The following LDLRAD2 variants were observed in gnomAD, a reference collection of about 807,000 sequenced individuals.
The protein encoded by LDLRAD2 is low density lipoprotein receptor class A domain containing 2, also known as low-density lipoprotein receptor class A domain-containing protein 2.
A neutral mutation model predicts 24.9 loss-of-function variants in LDLRAD2; 25 were observed. The observed-to-expected ratio is 1.00, with a 90% CI of 0.73 to 1.40. The LOEUF is 1.40. LDLRAD2 is among the 40% of genes most tolerant of loss of function. The probability of loss-of-function intolerance (pLI) is 0.00; values close to 1 mark genes in which losing one functional copy is unlikely to be tolerated. For synonymous variants in LDLRAD2, 182 were observed against 166.7 expected (o/e 1.09, Z -0.71); for missense variants, 391 against 366.2 (o/e 1.07, Z -0.55).
chr1:21,816,172 A>G, intron 3 of LDLRAD2, 98 bp downstream of exon 3: 2 of 1,491,290 alleles, frequency 1.3e-6, no homozygotes, highest in African/African-American at 1.4e-5. Context: ...GGGAGGCAGG[A>G]GAGAGGAAAG....
At chr1:21,814,187 G>A (rs1557653787) in intron 1 of LDLRAD2, among the ~76,000 whole-genome samples, 2 of 152,128 alleles carry the variant, frequency 1.3e-5, no homozygotes, top group African/African-American at 2.4e-5. Context: ...TTAGGGTTTC[G>A]AATAAGGGAT....
chr1:21,822,194 A>G lies in LDLRAD2; in HGVS notation c.806-8A>G. ...GATCTCACCTGCCCTGCTCTGCCCC[A>G]TCCACAGGCTCCACTGAGTGAAGCC... On this transcript the variant is annotated splice_polypyrimidine_tract_variant and splice_region_variant and intron_variant, in intron 4 of 4. Transcript: ENST00000344642. 6.2e-7 allele frequency: 1 copy of G among 1,613,980 alleles called. No homozygotes were observed. Among genetic ancestry groups the G allele is most frequent in the South Asian group, 1.1e-5 (1 of 91,094 alleles).
Position 21,822,421 on chromosome 1 carries a change from C to T in LDLRAD2, c.*206C>T. On this transcript the variant is annotated 3_prime_UTR_variant, in exon 5 of 5. Transcript: ENST00000344642. ...GGCAGGGTGGTCATATCCCCCTCCTCTCTCTCTCAGTCGTGAGTCCTGCCT... is the reference window on the plus strand; with the variant it reads ...GGCAGGGTGGTCATATCCCCCTCCTTTCTCTCTCAGTCGTGAGTCCTGCCT... 1.7e-6 allele frequency: 1 copy of T among 600,742 alleles called. No individual in the cohort carries two copies. The highest frequency in any genetic ancestry group is 3.0e-6 in the Non-Finnish European group (1 of 334,958). 37.2% of individuals were successfully genotyped at this position (600,742 alleles called of 1,614,324 possible).
intron 3 of LDLRAD2, among the ~76,000 whole-genome samples, chr1:21,816,665 C>A (rs531334015): frequency 1.3e-5 from 2 of 152,146 alleles, no homozygotes; most frequent in South Asian, 4.2e-4. Context: ...CCCACCACAC[C>A]CAATTAGGAG....
intron 1 of LDLRAD2, among the ~76,000 whole-genome samples, chr1:21,814,162 G>A (rs1339974818): frequency 6.6e-6 from 1 of 152,170 alleles, no homozygotes; most frequent in East Asian, 1.9e-4. Flanking sequence ...GAGCCACTGC[G>A]CTCGGCCCCG....
chr1:21,821,736 G>T (rs1002273439), intron 4 of LDLRAD2, 125 bp downstream of exon 4: 1 of 1,514,776 alleles, frequency 6.6e-7, no homozygotes, highest in African/African-American at 1.4e-5. Context: ...CCCCAGCTCT[G>T]AGGGGTGGCG....
chr1:21,815,912 C>T, intron 2 of LDLRAD2, 31 bp from the exon 3 acceptor site: 1 of 1,612,192 alleles, frequency 6.2e-7, no homozygotes, highest in Non-Finnish European at 8.5e-7. Flanking sequence ...GGACCGGAAT[C>T]CTCACCTCAG....
chr1:21,823,687 C>G lies in LDLRAD2; in HGVS notation c.*1472C>G. On this transcript the variant is annotated 3_prime_UTR_variant, in exon 5 of 5. Transcript: ENST00000344642. ...GGACCGGCCGCTGACCAGCTCCTCA[C>G]CGTCGACTTGGATGGAACCTCTGCG... is the stretch of plus-strand genomic sequence containing the variant. 6.2e-7 allele frequency: 1 copy of G among 1,613,698 alleles called. No homozygotes were observed. The highest frequency in any genetic ancestry group is 8.5e-7 in the Non-Finnish European group (1 of 1,180,014).
At chr1:21,813,907 T>G (rs2097941026) in intron 1 of LDLRAD2, among the ~76,000 whole-genome samples, 1 of 151,118 alleles carries the variant, frequency 6.6e-6, no homozygotes, top group African/African-American at 2.4e-5. Context: ...AGTCTCGCTG[T>G]GTTACCCAGG....
chr1:21,815,082 C>A (rs935446163), intron 2 of LDLRAD2, among the ~76,000 whole-genome samples: 1 of 152,160 alleles, frequency 6.6e-6, no homozygotes, highest in African/African-American at 2.4e-5. Flanking sequence ...ACTGTCCTAC[C>A]AGCCCCAGTG....
Position 21,814,532 on chromosome 1 carries a change from G to A in LDLRAD2, c.220G>A (p.Gly74Ser), listed in dbSNP as rs2097941742. The change falls in exon 2 of 5, where the codon GGC (glycine) becomes AGC (serine). Residue 74 changes from glycine to serine, a missense_variant. Transcript: ENST00000344642. ...GCTCTGGGTGCAGGCGGCAGCCCCC[G>A]GCGACCGGATCCGCTTCCAGTTCCG... ...CGLWVQAAAPGDRIRFQFRFF... is the reference protein window; with the variant it reads ...CGLWVQAAAPSDRIRFQFRFF... 1 of 1,612,434 alleles carries A rather than the reference G, an allele frequency of 6.2e-7. No individual in the cohort carries two copies. Among genetic ancestry groups the A allele is most frequent in the South Asian group, 1.1e-5 (1 of 91,062 alleles).
Position 21,824,339 on chromosome 1 carries a change from C to T in LDLRAD2, c.*2124C>T. 1 of 1,613,934 alleles carries T rather than the reference C, an allele frequency of 6.2e-7. No homozygotes were observed. ...AAGGTGCCCGTCTTGAAGCCCGAGGCTGATGAAGTCCTTGCCTTGGCCGGC... is the reference window on the plus strand; with the variant it reads ...AAGGTGCCCGTCTTGAAGCCCGAGGTTGATGAAGTCCTTGCCTTGGCCGGC... On this transcript the variant is annotated 3_prime_UTR_variant, in exon 5 of 5. Coordinates refer to ENST00000344642, the MANE Select transcript of LDLRAD2 (RefSeq NM_001013693.3). The surrounding 1 kb of genome is among the most constrained non-coding windows in gnomAD (Gnocchi z 5.9).
chr1:21,824,112 G>T lies in LDLRAD2; in HGVS notation c.*1897G>T, dbSNP rs763997150. On this transcript the variant is annotated 3_prime_UTR_variant, in exon 5 of 5. Coordinates refer to ENST00000344642, the MANE Select transcript of LDLRAD2 (RefSeq NM_001013693.3). This position sits in a 1 kb window ranked among gnomAD's most constrained non-coding sequence, Gnocchi z 5.9. ...GGCCCCATCCCGAGTGCCCGGCAGG[G>T]TCCCTTACCGCAGTGCTGTCACCCG... 1 of 1,611,776 alleles carries T rather than the reference G, an allele frequency of 6.2e-7. No homozygotes were observed. The highest frequency in any genetic ancestry group is 8.5e-7 in the Non-Finnish European group (1 of 1,179,340).
At chr1:21,813,019 G>C (rs2097940105) in intron 1 of LDLRAD2, among the ~76,000 whole-genome samples, 1 of 152,222 alleles carries the variant, frequency 6.6e-6, no homozygotes, top group African/African-American at 2.4e-5. Context: ...ATTCCCGGCT[G>C]GGCGCAGTGG....
rs752141916 is a variant in LDLRAD2, at chr1:21,812,506, G to T, written c.55G>T (p.Ala19Ser). Residue 19 changes from alanine (A) to serine (S), a missense_variant, in exon 1 of 5, where the codon GCC becomes TCC. Ala to Ser is a moderately conservative substitution (Grantham distance 99). Transcript: ENST00000344642. ...LPQRLLLLGA[A>S]ALTATALETA... ...CCAAAGGTTGCTCTTGCTGGGGGCA[G>T]CCGCCCTGACTGCAACTGCTTTGGA... is the stretch of plus-strand genomic sequence containing the variant. 6.2e-7 allele frequency: 1 copy of T among 1,614,158 alleles called. No individual in the cohort carries two copies. Among genetic ancestry groups the T allele is most frequent in the South Asian group, 1.1e-5 (1 of 91,072 alleles).
intron 3 of LDLRAD2, among the ~76,000 whole-genome samples, chr1:21,819,411 A>G (rs1385286045): frequency 6.6e-6 from 1 of 151,962 alleles, no homozygotes; most frequent in Non-Finnish European, 1.5e-5. Flanking sequence ...ATTATATTCT[A>G]ATATGTATAT....
In LDLRAD2 at chr1:21,822,351, T is replaced by G. The variant is rs781498480; in HGVS notation, c.*136T>G. ...CCCAACCCCACAGTCTGGGGGCCAC[T>G]GGCAGGATGGCACTTGAGCTGGATC... On this transcript the variant is annotated 3_prime_UTR_variant, in exon 5 of 5. Coordinates refer to ENST00000344642, the MANE Select transcript of LDLRAD2 (RefSeq NM_001013693.3). 1.2e-6 allele frequency: 1 copy of G among 818,328 alleles called. No individual in the cohort carries two copies. The highest frequency in any genetic ancestry group is 2.0e-6 in the Non-Finnish European group (1 of 492,182). The allele number at this position is 818,328 out of a possible 1,614,324, so 50.7% of individuals were successfully genotyped here. A position where few individuals can be genotyped will look rare whatever the true frequency, so the allele number is the denominator to read the frequency against.
rs768269180 is a variant in LDLRAD2 at position 21,814,722 on chromosome 1, T to A, written c.410T>A (p.Val137Glu). 6 of 1,556,168 alleles carry A rather than the reference T, an allele frequency of 3.9e-6. No individual in the cohort carries two copies. In the Admixed American group the frequency reaches 1.2e-4, roughly 31 times the overall value. The change falls in exon 2 of 5, where the codon GTG (valine) becomes GAG (glutamate). Residue 137 changes from valine (V) to glutamate (E), a missense_variant. Transcript: ENST00000344642. ...CCACTGTGCGGCCTGAACATCCCGG[T>A]GCCTGTGGCATCCTCCGGACCCTTT... ...GSPLCGLNIPVPVASSGPFLG... is the reference protein window; with the variant it reads ...GSPLCGLNIPEPVASSGPFLG...
chr1:21,813,263 C>A (rs189854807), intron 1 of LDLRAD2, among the ~76,000 whole-genome samples: 1 of 152,204 alleles, frequency 6.6e-6, no homozygotes, highest in African/African-American at 2.4e-5. Flanking sequence ...CCACTGCACT[C>A]CAGCCTGGCA....
Sources: allele counts gnomAD v4.1 joint callset (sites outside exome capture counted in the v4.1 genomes callset), GRCh38; gene constraint gnomAD v4.1.1; non-coding constraint Gnocchi (gnomAD v3.1); transcripts MANE v1.5; gene names NCBI Gene and HGNC (gene_info 2026-07-23, HGNC 2026-07-21).